FAM200A: variants seen among roughly 807,000 people sequenced by gnomAD.
FAM200A encodes the protein ZBED8 like.
In FAM200A, 26 loss-of-function variants were observed where a neutral mutation model predicts 44.2. The ratio of observed to expected loss-of-function variants is 0.59; its 90% CI spans 0.43 to 0.82. FAM200A has a LOEUF of 0.82. Ranked by LOEUF, FAM200A falls within the 40% of genes least tolerant of loss-of-function variation. FAM200A has a pLI of 0.00. For missense variants in FAM200A, 606 were observed against 669.5 expected (o/e 0.91, Z 1.05); for synonymous variants, 206 against 244.4 (o/e 0.84, Z 1.47).
chr7:99,557,587 C>T (rs572247592), intron 1 of FAM200A, among the ~76,000 whole-genome samples: 2 of 152,318 alleles, frequency 1.3e-5, no homozygotes, highest in East Asian at 3.9e-4. Context: ...CATTTTCTTT[C>T]TCCGATCCTG....
At position 99,552,021 on chromosome 7, in the gene FAM200A, G is replaced by A; in HGVS notation, c.-267C>T. 3 of 985,624 alleles carry A rather than the reference G, an allele frequency of 3.0e-6. No individual in the cohort carries two copies. Among genetic ancestry groups the A allele is most frequent in the Non-Finnish European group, 3.6e-6 (3 of 830,062 alleles). 61.1% of individuals were successfully genotyped at this position (985,624 alleles called of 1,614,324 possible). A position where few individuals can be genotyped will look rare whatever the true frequency, so the allele number is the denominator to read the frequency against. ...TCTGTCCCCGCCCGGAGAAGTCTGGGATGCTGGGATAGAAGGGGTTGTGAC... is the reference window on the plus strand; with the variant it reads ...TCTGTCCCCGCCCGGAGAAGTCTGGAATGCTGGGATAGAAGGGGTTGTGAC... On this transcript the variant is annotated 5_prime_UTR_variant, in exon 1 of 2. Coordinates refer to ENST00000449309, the MANE Select transcript of FAM200A (RefSeq NM_145111.4).
intron 1 of FAM200A, among the ~76,000 whole-genome samples, chr7:99,550,223 G>C (rs1034980803): frequency 6.6e-6 from 1 of 151,590 alleles, no homozygotes; most frequent in Non-Finnish European, 1.5e-5. Flanking sequence ...TGATTCTTCC[G>C]CCTCAGCCTC....
rs1388143549 is a variant in FAM200A at position 99,548,434 on chromosome 7, T to G, written c.-27A>C. ...ATTCAGGTTCCAGGAACTGGCTCACTTGATCCAAATAGGGTCTGTTTTGCA... is the reference window on the plus strand; with the variant it reads ...ATTCAGGTTCCAGGAACTGGCTCACGTGATCCAAATAGGGTCTGTTTTGCA... On this transcript the variant is annotated 5_prime_UTR_variant, in exon 2 of 2. Coordinates refer to ENST00000449309, the MANE Select transcript of FAM200A (RefSeq NM_145111.4). 10 of 1,601,442 alleles carry G rather than the reference T, an allele frequency of 6.2e-6. No homozygotes were observed. Among genetic ancestry groups the G allele is most frequent in the Non-Finnish European group, 8.5e-6 (10 of 1,173,536 alleles).
chr7:99,546,538 T>C lies in FAM200A; in HGVS notation c.*148A>G. On this transcript the variant is annotated 3_prime_UTR_variant, in exon 2 of 2. Transcript: ENST00000449309. ...CATGTGCCACCACGCCTGGCTAAGG[T>C]TTCTATTTTTAGTAGAGATGGGGTT... 1 of 819,172 alleles carries C rather than the reference T, an allele frequency of 1.2e-6. No homozygotes were observed. The highest frequency in any genetic ancestry group is 1.7e-6 in the Non-Finnish European group (1 of 584,986). 50.7% of individuals were successfully genotyped at this position (819,172 alleles called of 1,614,324 possible).
intron 1 of FAM200A, among the ~76,000 whole-genome samples, chr7:99,550,077 T>C (rs1284515078): frequency 6.6e-6 from 1 of 151,726 alleles, no homozygotes; most frequent in African/African-American, 2.4e-5. Context: ...AAAAAAAACT[T>C]AAAAAAAGTT....
chr7:99,548,032 A>C lies in FAM200A; in HGVS notation c.376T>G (p.Leu126Val), dbSNP rs147653498. 4.5e-5 allele frequency: 70 copies of C among 1,551,542 alleles called. No individual in the cohort carries two copies. The African/African-American group carries it at 7.5e-4, about 17-fold the overall frequency. ...AGCCGTGTAATAAGCATTGCTTCCA[A>C]ATGTTTTGCAATCGTACAGATTCGA... is the stretch of plus-strand genomic sequence containing the variant. ...SRRICTIAKH[L>V]EAMLITRLQS... The change falls in exon 2 of 2, where the codon TTG (leucine) becomes GTG (valine). Residue 126 changes from leucine to valine, a missense_variant. By Grantham distance (32) the Leu-to-Val change is conservative (BLOSUM62 1). Transcript: ENST00000449309.
At position 99,551,841 on chromosome 7, in the gene FAM200A, G is replaced by T; in HGVS notation, c.-100+13C>A. ...TCTCCAATCCGGAAACCAAAACTTC[G>T]TTCCCTTCCCACCTGTATCCAGGGA... is the stretch of plus-strand genomic sequence containing the variant. On this transcript the variant is annotated intron_variant, in intron 1 of 1. Coordinates refer to ENST00000449309, the MANE Select transcript of FAM200A (RefSeq NM_145111.4). 1.0e-6 allele frequency: 1 copy of T among 985,466 alleles called. No individual in the cohort carries two copies. The highest frequency in any genetic ancestry group is 1.2e-6 in the Non-Finnish European group (1 of 829,980). The allele number at this position is 985,466 out of a possible 1,614,324, so 61.0% of individuals were successfully genotyped here. A position where few individuals can be genotyped will look rare whatever the true frequency, so the allele number is the denominator to read the frequency against.
intron 1 of FAM200A, among the ~76,000 whole-genome samples, chr7:99,550,466 C>T (rs2151130178): frequency 6.6e-6 from 1 of 152,282 alleles, no homozygotes; most frequent in South Asian, 2.1e-4. Flanking sequence ...ATGCAAGTAA[C>T]TTTCTGTATG....
Position 99,551,849 on chromosome 7 carries a change from C to A in FAM200A, c.-100+5G>T. On this transcript the variant is annotated splice_donor_5th_base_variant and intron_variant, in intron 1 of 1. Coordinates refer to ENST00000449309, the MANE Select transcript of FAM200A (RefSeq NM_145111.4). ...CCGGAAACCAAAACTTCGTTCCCTT[C>A]CCACCTGTATCCAGGGACACCTCTG... 1.0e-6 allele frequency: 1 copy of A among 985,572 alleles called. No homozygotes were observed. Among genetic ancestry groups the A allele is most frequent in the Non-Finnish European group, 1.2e-6 (1 of 830,024 alleles). The allele number at this position is 985,572 out of a possible 1,614,324, so 61.1% of individuals were successfully genotyped here. A position where few individuals can be genotyped will look rare whatever the true frequency, so the allele number is the denominator to read the frequency against.
upstream of FAM200A, among the ~76,000 whole-genome samples, chr7:99,554,457 C>T (rs1250769427): frequency 8.6e-6 from 1 of 115,668 alleles, no homozygotes; most frequent in Non-Finnish European, 1.6e-5. Flanking sequence ...CCAGCCTGGG[C>T]AACAGGGCGA....
At chr7:99,555,774 C>T (rs963038648), upstream of FAM200A, among the ~76,000 whole-genome samples, 8 of 152,052 alleles carry the variant, frequency 5.3e-5, no homozygotes, top group South Asian at 4.2e-4. Flanking sequence ...GGCATGGTGG[C>T]GGGCGCCTGT....
At chr7:99,557,691 G>C (rs1802739822) in intron 1 of FAM200A, among the ~76,000 whole-genome samples, 1 of 152,154 alleles carries the variant, frequency 6.6e-6, no homozygotes, top group East Asian at 1.9e-4. Context: ...GAGAGGAAAG[G>C]AATATCAGAA....
upstream of FAM200A, among the ~76,000 whole-genome samples, chr7:99,555,590 A>G (rs929519419): frequency 3.3e-5 from 5 of 152,220 alleles, no homozygotes; most frequent in Non-Finnish European, 5.9e-5. Context: ...TGGATTTACT[A>G]TAGAGTGCTC....
chr7:99,555,947 A>G (rs1402357596), upstream of FAM200A, among the ~76,000 whole-genome samples: 1 of 152,200 alleles, frequency 6.6e-6, no homozygotes, highest in Admixed American at 6.5e-5. Flanking sequence ...GAAGCTTTTT[A>G]GGTCACCTAA....
At position 99,548,012 on chromosome 7, in the gene FAM200A, TG is replaced by T; in HGVS notation, c.395del (p.Thr132AsnfsTer7). The T allele has an allele frequency of 6.4e-7, 1 of 1,551,552 alleles. No homozygotes were observed. The highest frequency in any genetic ancestry group is 8.7e-7 in the Non-Finnish European group (1 of 1,146,968). On this transcript the variant is annotated frameshift_variant, in exon 2 of 2. Coordinates refer to ENST00000449309, the MANE Select transcript of FAM200A (RefSeq NM_145111.4). LOFTEE classifies it high-confidence loss of function. ...CAAAGTCTATACCGGACTGCAGCCG[TG>T]TAATAAGCATTGCTTCCAAATGTTT... ...IAKHLEAMLI[T>X]RLQSGIDFAI...
rs1802387627 is a variant in FAM200A, at chr7:99,546,470, G to A, written c.*216C>T. On this transcript the variant is annotated 3_prime_UTR_variant, in exon 2 of 2. Transcript: ENST00000449309. The stretch of plus-strand genomic sequence containing the variant: ...TGCAATCTCTGCCTTCCTGGTTTAA[G>A]AGATTCTCCTGCCTCAGGCACCCAA... 2.4e-6 allele frequency: 1 copy of A among 411,880 alleles called. No homozygotes were observed. The highest frequency in any genetic ancestry group is 4.2e-6 in the Non-Finnish European group (1 of 238,566). 25.5% of individuals were successfully genotyped at this position (411,880 alleles called of 1,614,324 possible).
intron 1 of FAM200A, among the ~76,000 whole-genome samples, chr7:99,550,165 C>G (rs1218484258): frequency 6.6e-6 from 1 of 151,694 alleles, no homozygotes; most frequent in African/African-American, 2.4e-5. Flanking sequence ...GGCTGGACTG[C>G]AGTGGCACGA....
intron 1 of FAM200A, among the ~76,000 whole-genome samples, chr7:99,550,071 A>G (rs1051385410): frequency 2.6e-4 from 39 of 152,268 alleles, no homozygotes; most frequent in African/African-American, 9.4e-4. Context: ...ATAATAAAAA[A>G]AAACTTAAAA....
At position 99,548,118 on chromosome 7, in the gene FAM200A, A is replaced by G. The variant is rs1802432148; in HGVS notation, c.290T>C (p.Phe97Ser). Residue 97 changes from phenylalanine to serine, a missense_variant, in exon 2 of 2, where the codon TTT (phenylalanine) becomes TCT (serine). Transcript: ENST00000449309. Reference sequence around the variant, plus strand: ...TAGTTTATCAGCTGATTTGTCATCAAAAATTGTCCGTACCATGTCCATACA... The same window carrying G: ...TAGTTTATCAGCTGATTTGTCATCAGAAATTGTCCGTACCATGTCCATACA... ...PACMDMVRTI[F>S]DDKSADKLRT... 2.6e-6 allele frequency: 4 copies of G among 1,551,624 alleles called. No individual in the cohort carries two copies. The highest frequency in any genetic ancestry group is 3.5e-6 in the Non-Finnish European group (4 of 1,147,006).
Sources: gnomAD v4.1 joint callset for allele counts (sites outside exome capture counted in the v4.1 genomes callset) on GRCh38, gnomAD v4.1.1 for gene constraint, MANE v1.5 for transcripts, NCBI Gene and HGNC (gene_info 2026-07-23, HGNC 2026-07-21) for gene names.